LATS1: variants seen among roughly 807,000 people sequenced by gnomAD.
The protein encoded by LATS1 is serine/threonine-protein kinase LATS1.
A neutral mutation model predicts 106.6 loss-of-function variants in LATS1; 25 were observed. That is an observed-to-expected ratio of 0.23 (90% confidence interval 0.17 to 0.33). The LOEUF (loss-of-function observed/expected upper bound fraction) is 0.33. LATS1 is among the 10% of genes least tolerant of loss of function. The pLI is 1.00. For missense variants in LATS1, 1,040 were observed against 1,382.6 expected, an observed-to-expected ratio of 0.75 and a Z score of 3.93; for synonymous variants, 465 against 455.6, an observed-to-expected ratio of 1.02 and a Z score of -0.26.
chr6:149,694,982 C>T (rs886236608), intron 3 of LATS1, 92 bp downstream of exon 3: 2 of 1,107,756 alleles, frequency 1.8e-6, no homozygotes, highest in South Asian at 1.9e-5. Context: ...GATGCTTTTA[C>T]AATTTCTAAG....
intron 4 of LATS1, 58 bp from the exon 5 acceptor site, chr6:149,680,515 G>T: frequency 8.1e-7 from 1 of 1,240,300 alleles, no homozygotes; most frequent in Non-Finnish European, 1.1e-6. Context: ...TGAATATTAA[G>T]AAATAGCTTG....
intron 2 of LATS1, among the ~76,000 whole-genome samples, chr6:149,700,199 G>A (rs1322394178): frequency 6.6e-6 from 1 of 152,164 alleles, no homozygotes; most frequent in African/African-American, 2.4e-5. Flanking sequence ...TTTTCAGCTG[G>A]GTGTGGTGGC....
intron 3 of LATS1, among the ~76,000 whole-genome samples, chr6:149,687,488 G>T (rs1782456345): frequency 6.6e-6 from 1 of 151,738 alleles, no homozygotes; most frequent in Non-Finnish European, 1.5e-5. Context: ...GGAGGGCAGT[G>T]GCATGATCAT....
intron 1 of LATS1, among the ~76,000 whole-genome samples, chr6:149,704,814 T>C (rs1783659765): frequency 1.3e-5 from 2 of 151,838 alleles, no homozygotes; most frequent in Non-Finnish European, 2.9e-5. Flanking sequence ...GTATATAAAT[T>C]GTATGTTAAT....
chr6:149,717,892 A>G lies in LATS1; in HGVS notation c.-184T>C. The G allele has an allele frequency of 2.7e-6, 1 of 372,168 alleles. No homozygotes were observed. Among genetic ancestry groups the G allele is most frequent in the East Asian group, 1.5e-4 (1 of 6,700 alleles). The allele number at this position is 372,168 out of a possible 1,614,324, so 23.1% of individuals were successfully genotyped here. ...CTCCTGGACAGCGGCCACGGGCCTG[A>G]GGGCGGACGCTGAGGCGGCCAGAGT... is the stretch of plus-strand genomic sequence containing the variant. On this transcript the variant is annotated 5_prime_UTR_variant, in exon 1 of 8. Coordinates refer to ENST00000543571, the MANE Select transcript of LATS1 (RefSeq NM_004690.4).
chr6:149,681,689 C>A (rs577624802), intron 4 of LATS1, among the ~76,000 whole-genome samples: 2 of 152,166 alleles, frequency 1.3e-5, no homozygotes, highest in African/African-American at 4.8e-5. Context: ...ACTGTAAAAT[C>A]AGATTTATTA....
chr6:149,706,170 C>T (rs1479980857), intron 1 of LATS1, among the ~76,000 whole-genome samples: 12 of 99,778 alleles, frequency 1.2e-4, no homozygotes, highest in East Asian at 6.9e-4. Context: ...GCAACAAGAG[C>T]GAAACCCGGT....
At chr6:149,663,679 A>C (rs989771362) in intron 7 of LATS1, among the ~76,000 whole-genome samples, 6 of 152,198 alleles carry the variant, frequency 3.9e-5, no homozygotes, top group Non-Finnish European at 8.8e-5. Context: ...AGAGGCTTCA[A>C]CTAATAATAG....
chr6:149,673,159 TA>T (rs1273893816), intron 7 of LATS1, among the ~76,000 whole-genome samples: 1 of 149,426 alleles, frequency 6.7e-6, no homozygotes, highest in Non-Finnish European at 1.5e-5. Context: ...TGCAGTGGTA[TA>T]ATCATGGCTC....
rs960126383 is a variant in LATS1, at chr6:149,661,314, T to C, written c.*415A>G. 6 of 233,824 alleles carry C rather than the reference T, an allele frequency of 2.6e-5. No individual in the cohort carries two copies. Among genetic ancestry groups the C allele is most frequent in the South Asian group, 1.8e-4 (1 of 5,578 alleles). The allele number at this position is 233,824 out of a possible 1,614,324, so 14.5% of individuals were successfully genotyped here. ...GAGGGGAAAAAAGAGCTCTGTAAAA[T>C]AGGGGGTATGTTTCATATTTGGTTA... On this transcript the variant is annotated 3_prime_UTR_variant, in exon 8 of 8. Coordinates refer to ENST00000543571, the MANE Select transcript of LATS1 (RefSeq NM_004690.4).
rs755260603 is a variant in LATS1 at position 149,679,956 on chromosome 6, G to C, written c.2512C>G (p.Arg838Gly). Residue 838 changes from arginine (R) to glycine (G), a missense_variant, in exon 5 of 8, where the codon CGT (arginine) becomes GGT (glycine). By Grantham distance (125) the Arg-to-Gly change is moderately radical (BLOSUM62 -2). Around this residue, in one of 7 missense-constraint regions of LATS1, gnomAD observed 167 missense variants for 332.1 expected, o/e 0.50. Transcript: ENST00000543571. ...DIKPDNILID[R>G]DGHIKLTDFG... The stretch of plus-strand genomic sequence containing the variant: ...TCAGTCAATTTAATATGACCATCAC[G>C]ATCAATCAAAATATTATCAGGTTTA... The C allele has an allele frequency of 6.2e-7, 1 of 1,613,938 alleles. No homozygotes were observed. The highest frequency in any genetic ancestry group is 8.5e-7 in the Non-Finnish European group (1 of 1,179,908).
chr6:149,677,384 G>A (rs984202544), intron 5 of LATS1, among the ~76,000 whole-genome samples: 10 of 152,224 alleles, frequency 6.6e-5, no homozygotes, highest in Admixed American at 4.6e-4. Context: ...AGCTGATAAA[G>A]GGGAGAACTG....
At chr6:149,704,885 T>TATACACAC (rs1554238037) in intron 1 of LATS1, among the ~76,000 whole-genome samples, 1 of 64,048 alleles carries the variant, frequency 1.6e-5, no homozygotes, top group Non-Finnish European at 2.8e-5. Flanking sequence ...AGAAATTAAT[T>TATACACAC]ATACACACAC....
At chr6:149,674,036 G>A (rs1781578691) in intron 7 of LATS1, among the ~76,000 whole-genome samples, 1 of 151,454 alleles carries the variant, frequency 6.6e-6, no homozygotes, top group Non-Finnish European at 1.5e-5. Context: ...AAGAAAGGTG[G>A]AAATCAAAGA....
intron 3 of LATS1, among the ~76,000 whole-genome samples, chr6:149,690,726 C>T (rs1357174445): frequency 6.6e-6 from 1 of 151,066 alleles, no homozygotes; most frequent in Non-Finnish European, 1.5e-5. Flanking sequence ...TTTTGTAGAG[C>T]CAGGGTTTCA....
chr6:149,680,504 T>C (rs763210591), intron 4 of LATS1, 47 bp from the exon 5 acceptor site: 22 of 1,327,332 alleles, frequency 1.7e-5, no homozygotes, highest in African/African-American at 3.0e-5. Flanking sequence ...TTCTTCAATA[T>C]TGAATATTAA....
chr6:149,693,537 G>A (rs531200664), intron 3 of LATS1, among the ~76,000 whole-genome samples: 4 of 151,772 alleles, frequency 2.6e-5, no homozygotes, highest in African/African-American at 7.3e-5. Flanking sequence ...TTGAACCCAG[G>A]GGGTGGAGGT....
chr6:149,703,483 T>C (rs1251846466), intron 1 of LATS1, among the ~76,000 whole-genome samples: 1 of 152,178 alleles, frequency 6.6e-6, no homozygotes, highest in Admixed American at 6.5e-5. Context: ...ATCTCATGAA[T>C]GGCTTAGCTG....
chr6:149,712,589 G>T (rs893355590), intron 1 of LATS1, among the ~76,000 whole-genome samples: 1 of 151,226 alleles, frequency 6.6e-6, no homozygotes, highest in Non-Finnish European at 1.5e-5. Context: ...GGCCTCAAGC[G>T]ATCCTCCCAC....
Sources: allele counts gnomAD v4.1 joint callset (sites outside exome capture counted in the v4.1 genomes callset), GRCh38; gene constraint gnomAD v4.1.1; regional missense constraint gnomAD v4.1.1; transcripts MANE v1.5; gene names NCBI Gene and HGNC (gene_info 2026-07-23, HGNC 2026-07-21).